Variants in NBAS observed in about 807,000 individuals in gnomAD.
NBAS encodes the protein NAG/BC035112 fusion.
In NBAS, 219 loss-of-function variants were observed where a neutral mutation model predicts 302.5. That is an observed-to-expected ratio of 0.72 (90% CI 0.65 to 0.81). The LOEUF is 0.81. Ranked by LOEUF, NBAS falls within the 30% of genes least tolerant of loss-of-function variation. The probability of loss-of-function intolerance (pLI) is 0.00; values close to 1 mark genes in which losing one functional copy is unlikely to be tolerated. For synonymous variants in NBAS, 1,118 were observed against 1,021.6 expected (o/e 1.09, Z -1.80); for missense variants, 2,932 against 2,841.6 (o/e 1.03, Z -0.72).
the NBAS span, among the ~76,000 whole-genome samples, chr2:14,908,137 G>A: frequency 5.3e-5 from 8 of 152,314 alleles, no homozygotes; most frequent in East Asian, 1.5e-3. Flanking sequence ...GCCGAGGCAG[G>A]CGGATCACAA....
chr2:15,538,946 CTTCT>C (rs1663659027), intron 7 of NBAS, among the ~76,000 whole-genome samples: 1 of 152,114 alleles, frequency 6.6e-6, no homozygotes, highest in African/African-American at 2.4e-5. Context: ...AGACCACTGA[CTTCT>C]TTCTGTCACT....
chr2:15,330,516 A>C (rs1483150874), intron 36 of NBAS, 82 bp downstream of exon 36: 1 of 1,549,486 alleles, frequency 6.5e-7, no homozygotes, highest in African/African-American at 1.4e-5. Flanking sequence ...ATAAAGATAT[A>C]ACAGTGAAAA....
intron 21 of NBAS, among the ~76,000 whole-genome samples, chr2:15,440,385 A>G (rs1400973200): frequency 1.3e-5 from 2 of 152,196 alleles, no homozygotes; most frequent in African/African-American, 2.4e-5. Context: ...CGCTGCTGAT[A>G]CCCAGGCAAA....
chr2:15,419,074 G>A (rs11692646), intron 23 of NBAS, among the ~76,000 whole-genome samples: 32 of 151,972 alleles, frequency 2.1e-4, no homozygotes, highest in African/African-American at 4.1e-4. Flanking sequence ...ACACTGATTC[G>A]CCATTCATTG....
chr2:15,214,785 T>C lies in NBAS; in HGVS notation c.6432+3988A>G, dbSNP rs1356745736. Among the ~76,000 whole-genome samples the C allele has an allele frequency of 3.3e-5, 5 of 152,200 alleles. No homozygotes were observed. The East Asian group carries it at 7.7e-4, about 23-fold the overall frequency. Reference sequence around the variant, plus strand: ...ACATTTTACTAATATTTTGGAAATATAGTCAAACTGGTTTCTGAAAAGAAG... The same window carrying C: ...ACATTTTACTAATATTTTGGAAATACAGTCAAACTGGTTTCTGAAAAGAAG... On this transcript the variant is annotated intron_variant, in intron 48 of 51. Transcript: ENST00000281513.
chr2:15,107,177 G>A, the NBAS span, among the ~76,000 whole-genome samples: 1 of 152,010 alleles, frequency 6.6e-6, no homozygotes, highest in Non-Finnish European at 1.5e-5. Flanking sequence ...TATAGGGGTA[G>A]GATCTTACTC....
the NBAS span, among the ~76,000 whole-genome samples, chr2:15,071,753 C>T: frequency 6.6e-6 from 1 of 151,582 alleles, no homozygotes; most frequent in Non-Finnish European, 1.5e-5. Flanking sequence ...TCAGGAAGAA[C>T]ATGGATTTCT....
chr2:15,138,306 C>G, the NBAS span, among the ~76,000 whole-genome samples: 1 of 152,066 alleles, frequency 6.6e-6, no homozygotes, highest in Non-Finnish European at 1.5e-5. Context: ...GCAGGGAGCA[C>G]AAGGATGTCC....
At chr2:15,053,590 C>T in the NBAS span, among the ~76,000 whole-genome samples, 1 of 152,128 alleles carries the variant, frequency 6.6e-6, no homozygotes, top group East Asian at 1.9e-4. Context: ...AGATAAAACT[C>T]TCCAGACCTG....
the NBAS span, among the ~76,000 whole-genome samples, chr2:15,150,481 C>G: frequency 6.6e-6 from 1 of 152,114 alleles, no homozygotes; most frequent in African/African-American, 2.4e-5. Flanking sequence ...ATGTTGTGCA[C>G]CTGAGCTGGA....
the NBAS span, among the ~76,000 whole-genome samples, chr2:14,799,435 T>A: frequency 6.6e-6 from 1 of 152,136 alleles, no homozygotes; most frequent in Admixed American, 6.5e-5. Context: ...TTATCTTCTT[T>A]GAATCCTTTT....
At chr2:15,266,031 G>A (rs957257273) in intron 44 of NBAS, among the ~76,000 whole-genome samples, 4 of 152,152 alleles carry the variant, frequency 2.6e-5, no homozygotes, top group African/African-American at 9.7e-5. Flanking sequence ...GGAGATAACT[G>A]AATCATGGGA....
At chr2:15,503,837 T>C (rs1661701743) in intron 11 of NBAS, among the ~76,000 whole-genome samples, 1 of 152,168 alleles carries the variant, frequency 6.6e-6, no homozygotes, top group Admixed American at 6.5e-5. Flanking sequence ...AGATAAAATA[T>C]GAAATTCAAA....
intron 48 of NBAS, among the ~76,000 whole-genome samples, chr2:15,191,396 T>C (rs1202851521): frequency 6.6e-6 from 1 of 152,236 alleles, no homozygotes; most frequent in Non-Finnish European, 1.5e-5. Context: ...TGCTATGTAC[T>C]ATGAAATTAT....
chr2:15,037,411 C>T, the NBAS span, among the ~76,000 whole-genome samples: 1 of 64,216 alleles, frequency 1.6e-5, no homozygotes, highest in African/African-American at 5.1e-5. Context: ...ACATCCTCAC[C>T]CTGGCCCCAC....
intron 21 of NBAS, among the ~76,000 whole-genome samples, chr2:15,459,833 T>C (rs1164550072): frequency 6.6e-6 from 1 of 152,182 alleles, no homozygotes; most frequent in African/African-American, 2.4e-5. Context: ...CTAACACTAA[T>C]GTAAACTAAG....
At chr2:14,957,536 A>C in the NBAS span, among the ~76,000 whole-genome samples, 2 of 152,152 alleles carry the variant, frequency 1.3e-5, no homozygotes, top group African/African-American at 4.8e-5. Context: ...GGGCTCCTCC[A>C]ATTTTAACAT....
At chr2:15,278,795 A>G (rs1185265931) in intron 42 of NBAS, among the ~76,000 whole-genome samples, 2 of 152,206 alleles carry the variant, frequency 1.3e-5, no homozygotes, top group Middle Eastern at 3.2e-3. Flanking sequence ...AAGGATCACT[A>G]AAAGCTATGC....
chr2:15,362,784 G>A (rs969228960), intron 32 of NBAS, among the ~76,000 whole-genome samples: 4 of 152,118 alleles, frequency 2.6e-5, no homozygotes, highest in Non-Finnish European at 4.4e-5. Flanking sequence ...TCTAATCTGG[G>A]TGGTATTGTG....
Sources: allele counts gnomAD v4.1 joint callset (sites outside exome capture counted in the v4.1 genomes callset), GRCh38; gene constraint gnomAD v4.1.1; transcripts MANE v1.5; gene names NCBI Gene and HGNC (gene_info 2026-07-23, HGNC 2026-07-21).